The following HS6ST3 variants were observed in gnomAD, a reference collection of about 807,000 sequenced individuals.
The protein encoded by HS6ST3 is heparan sulfate 6-O-sulfotransferase 3.
A neutral mutation model predicts 36.7 loss-of-function variants in HS6ST3; 12 were observed. The observed-to-expected ratio is 0.33, with a 90% CI of 0.21 to 0.53. The LOEUF is 0.53. HS6ST3 is among the 20% of genes least tolerant of loss of function. The pLI, the probability that HS6ST3 is intolerant of heterozygous loss-of-function variation, is 0.95. For synonymous variants in HS6ST3, 240 were observed against 257.5 expected, an observed-to-expected ratio of 0.93 and a Z score of 0.65; for missense variants, 584 against 640.9, an observed-to-expected ratio of 0.91 and a Z score of 0.96.
At chr13:96,458,901 C>T (rs550718480) in intron 1 of HS6ST3, among the ~76,000 whole-genome samples, 5 of 151,466 alleles carry the variant, frequency 3.3e-5, no homozygotes, top group Admixed American at 6.6e-5. Flanking sequence ...GTCAGGAGTT[C>T]GAGACCAGCC....
chr13:96,613,837 A>G (rs2056464182), intron 1 of HS6ST3, among the ~76,000 whole-genome samples: 1 of 152,134 alleles, frequency 6.6e-6, no homozygotes, highest in Non-Finnish European at 1.5e-5. Context: ...CTTCCTTTTA[A>G]TTGCACTGTG....
chr13:96,759,129 C>T (rs1050123964), intron 1 of HS6ST3, among the ~76,000 whole-genome samples: 43 of 151,776 alleles, frequency 2.8e-4, no homozygotes, highest in African/African-American at 8.0e-4. Context: ...CTTATATTTA[C>T]GTTTTACATG....
intron 1 of HS6ST3, among the ~76,000 whole-genome samples, chr13:96,214,690 T>C (rs886312937): frequency 1.3e-5 from 2 of 152,172 alleles, no homozygotes; most frequent in Non-Finnish European, 2.9e-5. Context: ...GCTGTGCACA[T>C]GTAACCATAT....
In HS6ST3 at chr13:96,832,541, C is replaced by T. The variant is rs368146960; in HGVS notation, c.759C>T (p.Ser253=). Residue 253 remains serine, a synonymous_variant, in exon 2 of 2, where the codon AGC becomes AGT. Coordinates refer to ENST00000376705, the MANE Select transcript of HS6ST3 (RefSeq NM_153456.4). The part of the protein sequence containing the change: ...MLRDPVSRYL[S]EWKHVQRGAT... ...GGGATCCAGTGTCACGTTACCTGAG[C>T]GAGTGGAAACATGTCCAGAGAGGGG... 1.9e-5 allele frequency: 30 copies of T among 1,607,184 alleles called. No homozygotes were observed. The highest frequency in any genetic ancestry group is 6.7e-5 in the African/African-American group (5 of 74,616).
intron 1 of HS6ST3, among the ~76,000 whole-genome samples, chr13:96,372,343 A>G (rs2139441757): frequency 1.3e-5 from 2 of 152,064 alleles, no homozygotes; most frequent in Middle Eastern, 3.4e-3. Flanking sequence ...TTTTCTTGCT[A>G]TTGAGTATAT....
chr13:96,149,615 A>G (rs2054074935), intron 1 of HS6ST3, among the ~76,000 whole-genome samples: 1 of 152,208 alleles, frequency 6.6e-6, no homozygotes, highest in African/African-American at 2.4e-5. Context: ...TTAAAAAGTA[A>G]ACATTTTATT....
intron 1 of HS6ST3, among the ~76,000 whole-genome samples, chr13:96,721,635 A>G (rs1457559716): frequency 6.6e-6 from 1 of 152,180 alleles, no homozygotes; most frequent in Non-Finnish European, 1.5e-5. Context: ...TTGATTTTCA[A>G]TAGTAGAAAG....
At chr13:96,377,280 G>C (rs1434642520) in intron 1 of HS6ST3, among the ~76,000 whole-genome samples, 1 of 151,638 alleles carries the variant, frequency 6.6e-6, no homozygotes, top group Non-Finnish European at 1.5e-5. Flanking sequence ...GCTTGTGCCT[G>C]GTAGTTCGAC....
intron 1 of HS6ST3, among the ~76,000 whole-genome samples, chr13:96,127,972 T>C (rs914084684): frequency 6.6e-6 from 1 of 152,172 alleles, no homozygotes; most frequent in Admixed American, 6.5e-5. Context: ...CAGAATCACT[T>C]AAGTATATAT....
At chr13:96,714,946 ATCTTCCCATTGTGGCCTCGTAACAGCAC>A (rs926988775) in intron 1 of HS6ST3, among the ~76,000 whole-genome samples, 2 of 152,030 alleles carry the variant, frequency 1.3e-5, no homozygotes, top group African/African-American at 4.8e-5. Context: ...GTCTCAAGCA[ATCTTCCCATTGTGGCCTCGTAACAGCAC>A]TGGAATTACA....
chr13:96,765,034 TG>T (rs1212587499), intron 1 of HS6ST3, among the ~76,000 whole-genome samples: 1 of 151,948 alleles, frequency 6.6e-6, no homozygotes, highest in Non-Finnish European at 1.5e-5. Flanking sequence ...CAGTTGCACT[TG>T]CCATATTTCT....
chr13:96,566,585 G>A (rs1033506867), intron 1 of HS6ST3, among the ~76,000 whole-genome samples: 19 of 152,142 alleles, frequency 1.2e-4, no homozygotes, highest in African/African-American at 4.6e-4. Context: ...CCAGCACTGG[G>A]AAAGAGCAAC....
In HS6ST3 at chr13:96,317,443, A is replaced by C. The variant is rs376366688; in HGVS notation, c.707+225874A>C. Among the ~76,000 whole-genome samples, 3 of 145,650 alleles carry C rather than the reference A, an allele frequency of 2.1e-5. No homozygotes were observed. In the East Asian group the frequency reaches 6.0e-4, roughly 29 times the overall value. Reference sequence around the variant, plus strand: ...ATCATGGAATACATATATATGTCACATTTTCTTTATCCAGTCCACTATTGA... The same window carrying C: ...ATCATGGAATACATATATATGTCACCTTTTCTTTATCCAGTCCACTATTGA... On this transcript the variant is annotated intron_variant, in intron 1 of 1. Transcript: ENST00000376705.
At chr13:96,482,585 C>T (rs1338567637) in intron 1 of HS6ST3, among the ~76,000 whole-genome samples, 1 of 151,906 alleles carries the variant, frequency 6.6e-6, no homozygotes. Flanking sequence ...TGATTAAGGT[C>T]ATTTCCTGGG....
At chr13:96,638,855 T>A (rs566798248) in intron 1 of HS6ST3, among the ~76,000 whole-genome samples, 108 of 151,798 alleles carry the variant, frequency 7.1e-4, no homozygotes, top group African/African-American at 2.5e-3. Context: ...TATAGAGTAC[T>A]GTGGAGAATT....
At position 96,799,736 on chromosome 13, in the gene HS6ST3, C is replaced by G. The variant is rs530802265; in HGVS notation, c.708-32754C>G. Among the ~76,000 whole-genome samples the G allele has an allele frequency of 3.3e-5, 5 of 150,456 alleles. No homozygotes were observed. The South Asian group carries it at 1.1e-3, about 32-fold the overall frequency. ...GCATGGCACATGTATACATATGTAA[C>G]TAACCTGCACATTGTGCACATGTAC... On this transcript the variant is annotated intron_variant, in intron 1 of 1. Coordinates refer to ENST00000376705, the MANE Select transcript of HS6ST3 (RefSeq NM_153456.4).
At chr13:96,631,258 T>A (rs2056531171) in intron 1 of HS6ST3, among the ~76,000 whole-genome samples, 1 of 152,188 alleles carries the variant, frequency 6.6e-6, no homozygotes, top group Non-Finnish European at 1.5e-5. Context: ...TATTCTAGCA[T>A]AGTTTATGCA....
At chr13:96,502,309 G>A (rs2056007796) in intron 1 of HS6ST3, among the ~76,000 whole-genome samples, 2 of 151,072 alleles carry the variant, frequency 1.3e-5, no homozygotes, top group Admixed American at 1.3e-4. Flanking sequence ...GGTTAGTAAA[G>A]CACCAGCATG....
chr13:96,437,589 A>G (rs925220940), intron 1 of HS6ST3, among the ~76,000 whole-genome samples: 1 of 152,214 alleles, frequency 6.6e-6, no homozygotes, highest in African/African-American at 2.4e-5. Flanking sequence ...ATTCTTCATG[A>G]TGATATGGGG....
Sources: allele counts gnomAD v4.1 joint callset (sites outside exome capture counted in the v4.1 genomes callset), GRCh38; gene constraint gnomAD v4.1.1; transcripts MANE v1.5; gene names NCBI Gene and HGNC (gene_info 2026-07-23, HGNC 2026-07-21).